The following PROM1 variants were observed in gnomAD, a reference collection of about 807,000 sequenced individuals.
PROM1 encodes the protein prominin 1.
A neutral mutation model predicts 116.9 loss-of-function variants in PROM1; 105 were observed. That is an observed-to-expected ratio of 0.90 (90% CI 0.77 to 1.06). The LOEUF is 1.06. PROM1 is among the 50% of genes least tolerant of loss of function. PROM1 has a pLI of 0.00. For synonymous variants in PROM1, 393 were observed against 387.0 expected, an observed-to-expected ratio of 1.02 and a Z score of -0.18; for missense variants, 1,122 against 1,045.2, an observed-to-expected ratio of 1.07 and a Z score of -1.01.
rs550565365 is a variant in PROM1 at position 15,986,055 on chromosome 4, A to G, written c.2131-18T>C. On this transcript the variant is annotated intron_variant, in intron 20 of 27. Coordinates refer to ENST00000447510, the MANE Select transcript of PROM1 (RefSeq NM_006017.3). ...ACTCTCTCCTGAAAGACACAGCCACAGTTATCAGGGTATCAAGTCATAGAA... is the reference window on the plus strand; with the variant it reads ...ACTCTCTCCTGAAAGACACAGCCACGGTTATCAGGGTATCAAGTCATAGAA... 4.6e-6 allele frequency: 7 copies of G among 1,512,940 alleles called. No homozygotes were observed. The African/African-American group carries it at 9.6e-5, about 21-fold the overall frequency. The allele number at this position is 1,512,940 out of a possible 1,614,324, so 93.7% of individuals were successfully genotyped here.
chr4:16,015,345 C>CAA lies in PROM1; in HGVS notation c.1077+819_1077+820dup, dbSNP rs71649934. 6.8e-3 allele frequency among the ~76,000 whole-genome samples: 349 copies of CAA among 51,458 alleles called. 29 individuals carry two copies. The highest frequency in any genetic ancestry group is 0.019 in the African/African-American group (221 of 11,890). 33.8% of individuals were successfully genotyped at this position (51,458 alleles called of 152,430 possible). A position where few individuals can be genotyped will look rare whatever the true frequency, so the allele number is the denominator to read the frequency against. On this transcript the variant is annotated intron_variant, in intron 10 of 27. Coordinates refer to ENST00000447510, the MANE Select transcript of PROM1 (RefSeq NM_006017.3). ...TGGGCAACAGCGCAAGACTCCATCT[C>CAA]AAAAAAAAAAAAAAAAAAAAAGAAG...
At chr4:16,023,200 T>C (rs1012545087) in intron 8 of PROM1, 126 bp downstream of exon 8, 26 of 781,314 alleles carry the variant, frequency 3.3e-5, no homozygotes, top group Admixed American at 1.2e-4. Context: ...CTGAACTGTC[T>C]GCATGGCCAC....
intron 1 of PROM1, among the ~76,000 whole-genome samples, chr4:16,076,951 G>A (rs921541053): frequency 6.6e-6 from 1 of 152,104 alleles, no homozygotes; most frequent in Non-Finnish European, 1.5e-5. Context: ...CAAACATTGC[G>A]GAAGGCCGGA....
At position 15,991,214 on chromosome 4, in the gene PROM1, G is replaced by C; in HGVS notation, c.1983+8C>G. 6.2e-7 allele frequency: 1 copy of C among 1,602,572 alleles called. No homozygotes were observed. Among genetic ancestry groups the C allele is most frequent in the South Asian group, 1.1e-5 (1 of 89,078 alleles). On this transcript the variant is annotated splice_region_variant and intron_variant, in intron 18 of 27. Transcript: ENST00000447510. ...ACTACAGTATTTAACCGGACGATTT[G>C]AACTCACCAAACTGTTTGCTTTTGC... is the stretch of plus-strand genomic sequence containing the variant.
At chr4:16,021,349 A>G (rs182404777) in intron 8 of PROM1, among the ~76,000 whole-genome samples, 1 of 152,332 alleles carries the variant, frequency 6.6e-6, no homozygotes, top group Admixed American at 6.5e-5. Context: ...CATCAACCAC[A>G]GTCCATCATT....
chr4:16,047,069 C>G (rs954876690), intron 2 of PROM1, among the ~76,000 whole-genome samples: 3 of 152,186 alleles, frequency 2.0e-5, no homozygotes, highest in Non-Finnish European at 2.9e-5. Flanking sequence ...GTAGAACAGG[C>G]TGGCAGGCTA....
chr4:16,070,221 G>T (rs1011113739), intron 2 of PROM1, among the ~76,000 whole-genome samples: 2 of 152,082 alleles, frequency 1.3e-5, no homozygotes, highest in Non-Finnish European at 2.9e-5. Context: ...AAAACTTTAG[G>T]CATTGAAGTC....
At chr4:16,046,499 T>G (rs1368675774) in intron 2 of PROM1, among the ~76,000 whole-genome samples, 2 of 152,230 alleles carry the variant, frequency 1.3e-5, no homozygotes, top group African/African-American at 2.4e-5. Context: ...TTAACTCAAT[T>G]TACCTTTCAT....
At chr4:16,006,729 G>T (rs1390067899) in intron 12 of PROM1, 39 bp from the exon 13 acceptor site, 4 of 1,599,220 alleles carry the variant, frequency 2.5e-6, no homozygotes, top group Non-Finnish European at 3.4e-6. Context: ...CATGACACAG[G>T]TGACGCCACC....
chr4:15,977,692 G>A lies in PROM1; in HGVS notation c.2582+1703C>T, dbSNP rs563461904. 1.2e-4 allele frequency among the ~76,000 whole-genome samples: 18 copies of A among 152,226 alleles called. 3 individuals carry two copies. Among genetic ancestry groups the A allele is most frequent in the African/African-American group, 9.6e-5 (4 of 41,544 alleles). The stretch of plus-strand genomic sequence containing the variant: ...CAGCTCACTGCAACCTCTGCCTCCC[G>A]GGTTCAAGTGATTCTCCTGCCTCAG... On this transcript the variant is annotated intron_variant, in intron 26 of 27. Transcript: ENST00000447510.
chr4:16,028,653 G>C (rs992198509), intron 5 of PROM1, among the ~76,000 whole-genome samples: 1 of 151,192 alleles, frequency 6.6e-6, no homozygotes, highest in African/African-American at 2.4e-5. Context: ...AAAAAGGTAT[G>C]TGAATAAATA....
chr4:16,025,696 CAT>C (rs1731076724), intron 5 of PROM1, among the ~76,000 whole-genome samples: 1 of 144,990 alleles, frequency 6.9e-6, no homozygotes, highest in South Asian at 2.2e-4. Flanking sequence ...TGAACATATG[CAT>C]GTGTGTGAAC....
intron 2 of PROM1, among the ~76,000 whole-genome samples, chr4:16,060,089 T>C (rs938416269): frequency 6.6e-6 from 1 of 152,176 alleles, no homozygotes; most frequent in Admixed American, 6.5e-5. Flanking sequence ...ACACAAACGC[T>C]GATAACAATG....
At chr4:16,051,319 C>T (rs779024437) in intron 2 of PROM1, among the ~76,000 whole-genome samples, 22 of 152,222 alleles carry the variant, frequency 1.4e-4, no homozygotes, top group Admixed American at 2.6e-4. Context: ...AACTCCAGCC[C>T]TGCTATTTAA....
chr4:16,001,758 T>C (rs1397837015), intron 13 of PROM1, among the ~76,000 whole-genome samples: 1 of 152,046 alleles, frequency 6.6e-6, no homozygotes, highest in Non-Finnish European at 1.5e-5. Flanking sequence ...CAAGCGCAGA[T>C]CACTCCTCTG....
chr4:16,078,840 C>A (rs1369073982), intron 1 of PROM1, among the ~76,000 whole-genome samples: 2 of 152,186 alleles, frequency 1.3e-5, no homozygotes, highest in Non-Finnish European at 2.9e-5. Flanking sequence ...TCCATTGCCT[C>A]ATCTTCTAAG....
At chr4:16,013,723 T>C (rs1009347583) in intron 10 of PROM1, among the ~76,000 whole-genome samples, 1 of 150,882 alleles carries the variant, frequency 6.6e-6, no homozygotes, top group African/African-American at 2.4e-5. Flanking sequence ...TTATCACAGT[T>C]GTGGGGTGCT....
At chr4:16,073,856 C>G (rs186538696) in intron 2 of PROM1, among the ~76,000 whole-genome samples, 109 of 152,030 alleles carry the variant, frequency 7.2e-4, no homozygotes, top group Middle Eastern at 3.4e-3. Context: ...GAATGAAGAC[C>G]TTAAAATACA....
intron 13 of PROM1, 99 bp from the exon 14 acceptor site, chr4:16,000,718 G>C: frequency 1.9e-6 from 2 of 1,049,926 alleles, no homozygotes; most frequent in Non-Finnish European, 2.6e-6. Flanking sequence ...ATAGCCCTGG[G>C]GTCTTCAGTG....
Sources: gnomAD v4.1 joint callset for allele counts (sites outside exome capture counted in the v4.1 genomes callset) on GRCh38, gnomAD v4.1.1 for gene constraint, MANE v1.5 for transcripts, NCBI Gene and HGNC (gene_info 2026-07-23, HGNC 2026-07-21) for gene names.